Variants in RIPOR3 observed in about 807,000 individuals in gnomAD.
RIPOR3 encodes RIPOR family member 3.
In RIPOR3, 95 loss-of-function variants were observed where a neutral mutation model predicts 114.3. That is an observed-to-expected ratio of 0.83 (90% confidence interval 0.70 to 0.99). The LOEUF is 0.99. Ranked by LOEUF, RIPOR3 falls within the 50% of genes least tolerant of loss-of-function variation. The probability of loss-of-function intolerance (pLI) is 0.00; values close to 1 mark genes in which losing one functional copy is unlikely to be tolerated. For synonymous variants in RIPOR3, 575 were observed against 543.8 expected (o/e 1.06, Z -0.80); for missense variants, 1,252 against 1,266.9 (o/e 0.99, Z 0.18).
intron 1 of RIPOR3, among the ~76,000 whole-genome samples, chr20:50,647,977 T>A (rs1362345931): frequency 6.6e-6 from 1 of 152,024 alleles, no homozygotes; most frequent in African/African-American, 2.4e-5. Flanking sequence ...GCTGCTAAGG[T>A]TAAAATCCAG....
intron 3 of RIPOR3, among the ~76,000 whole-genome samples, chr20:50,619,249 G>A (rs141257632): frequency 0.047 from 7,113 of 151,740 alleles, 227 homozygotes; most frequent in Middle Eastern, 0.11. Context: ...TCCAGCCTGG[G>A]CAACAAGAGC....
At position 50,602,741 on chromosome 20, in the gene RIPOR3, CCCATGTT is replaced by C. The variant is rs926138566; in HGVS notation, c.1087-104_1087-98del. 4 of 934,458 alleles carry C rather than the reference CCCATGTT, an allele frequency of 4.3e-6. No individual in the cohort carries two copies. The highest frequency in any genetic ancestry group is 4.4e-6 in the Non-Finnish European group (3 of 686,164). The allele number at this position is 934,458 out of a possible 1,614,324, so 57.9% of individuals were successfully genotyped here. A position where few individuals can be genotyped will look rare whatever the true frequency, so the allele number is the denominator to read the frequency against. ...CCCTGACAGACACCCGCTGTGCATGCCCATGTTCTCAGGATGACTGAGGCCTGCCGAG... is the reference window on the plus strand; with the variant it reads ...CCCTGACAGACACCCGCTGTGCATGCCTCAGGATGACTGAGGCCTGCCGAG... On this transcript the variant is annotated intron_variant, in intron 12 of 21. Coordinates refer to ENST00000327979, the MANE Select transcript of RIPOR3 (RefSeq NM_001290268.2). This position sits in a 1 kb window ranked among gnomAD's most constrained non-coding sequence, Gnocchi z 4.3.
chr20:50,691,001 C>A (rs2087193610), intron 1 of RIPOR3, 125 bp downstream of exon 1: 1 of 1,216,586 alleles, frequency 8.2e-7, no homozygotes, highest in Non-Finnish European at 1.1e-6. Context: ...TTCCCTCCTC[C>A]GGCCTTGGGA....
intron 8 of RIPOR3, 67 bp downstream of exon 8, chr20:50,609,226 G>C: frequency 6.4e-7 from 1 of 1,562,920 alleles, no homozygotes; most frequent in Non-Finnish European, 8.7e-7. Context: ...GCCAATTCCC[G>C]TGCCCCTCAG....
chr20:50,608,307 A>C, intron 11 of RIPOR3, 82 bp downstream of exon 11: 1 of 1,584,000 alleles, frequency 6.3e-7, no homozygotes, highest in Non-Finnish European at 8.6e-7. Context: ...AGGCTGGTGC[A>C]GGAACCCAGG....
chr20:50,630,609 C>T (rs2084785124), intron 2 of RIPOR3, 129 bp downstream of exon 2: 5 of 679,914 alleles, frequency 7.4e-6, no homozygotes, highest in Admixed American at 5.5e-5. Flanking sequence ...CTGTCTCTCT[C>T]GGGCTGCAAG....
intron 1 of RIPOR3, among the ~76,000 whole-genome samples, chr20:50,649,907 C>T (rs1047965988): frequency 2.0e-5 from 3 of 152,212 alleles, no homozygotes; most frequent in Admixed American, 6.5e-5. Flanking sequence ...CAGCCCCAGC[C>T]GGGCTAACTA....
chr20:50,677,276 A>T (rs144660199), intron 1 of RIPOR3, among the ~76,000 whole-genome samples: 7 of 152,184 alleles, frequency 4.6e-5, no homozygotes, highest in African/African-American at 1.7e-4. Context: ...TGCCAGACAC[A>T]GGGTCCAAAC....
rs7261508 is a variant in RIPOR3 at position 50,651,845 on chromosome 20, G to C, written c.4-20989C>G. 1.1e-3 allele frequency among the ~76,000 whole-genome samples: 162 copies of C among 152,364 alleles called. 1 individual carries two copies. Among genetic ancestry groups the C allele is most frequent in the African/African-American group, 3.7e-3 (155 of 41,584 alleles). ...TGCACTGCCTACACACCAGAGAAGA[G>C]GGGGAGGAGCCCAGATCTGCTGCTC... On this transcript the variant is annotated intron_variant, in intron 1 of 21. Transcript: ENST00000327979.
intron 1 of RIPOR3, among the ~76,000 whole-genome samples, chr20:50,651,136 G>A (rs995689628): frequency 2.0e-4 from 31 of 152,038 alleles, no homozygotes; most frequent in African/African-American, 7.5e-4. Flanking sequence ...AGTATGAGAG[G>A]GATTCAGCGT....
intron 1 of RIPOR3, among the ~76,000 whole-genome samples, chr20:50,666,197 CTTTT>C (rs1600721680): frequency 3.2e-5 from 3 of 93,406 alleles, no homozygotes; most frequent in South Asian, 3.6e-4. Flanking sequence ...CTTTTCTTTT[CTTTT>C]CTTTTCTTTT....
rs2083554562 is a variant in RIPOR3, at chr20:50,602,803, A to G, written c.1087-159T>C. Among the ~76,000 whole-genome samples, 1 of 149,258 alleles carries G rather than the reference A, an allele frequency of 6.7e-6. No homozygotes were observed. On this transcript the variant is annotated intron_variant, in intron 12 of 21. Transcript: ENST00000327979. The surrounding 1 kb of genome is among the most constrained non-coding windows in gnomAD (Gnocchi z 4.3). ...CCAGCATCCCAGAGGTGCAGAAAAA[A>G]CCCTGTCCCCTCTCTGCACTTATCC...
intron 2 of RIPOR3, among the ~76,000 whole-genome samples, chr20:50,624,832 G>A (rs967010399): frequency 3.3e-5 from 5 of 152,334 alleles, no homozygotes; most frequent in East Asian, 1.9e-4. Flanking sequence ...CTTGGTACTC[G>A]GCTGTTGCAA....
In RIPOR3 at chr20:50,609,680, G is replaced by T. The variant is rs367594489; in HGVS notation, c.469C>A (p.Arg157Ser). The T allele has an allele frequency of 5.7e-6, 8 of 1,391,622 alleles. No homozygotes were observed. Among genetic ancestry groups the T allele is most frequent in the Non-Finnish European group, 7.5e-6 (8 of 1,073,012 alleles). The allele number at this position is 1,391,622 out of a possible 1,614,324, so 86.2% of individuals were successfully genotyped here. A position where few individuals can be genotyped will look rare whatever the true frequency, so the allele number is the denominator to read the frequency against. The change falls in exon 7 of 22, where the codon CGC becomes AGC. Residue 157 changes from arginine to serine, a missense_variant. Arg to Ser is a moderately radical substitution (Grantham distance 110, BLOSUM62 -1). Transcript: ENST00000327979. Reference protein sequence around the residue: ...YEDYCIQCRLRDGASSMQRAF... With the variant: ...YEDYCIQCRLSDGASSMQRAF... The stretch of plus-strand genomic sequence containing the variant: ...CGCTGCATGCTGGAGGCGCCGTCGC[G>T]CAGGCGGCACTGGATGCAGTAGTCC...
intron 1 of RIPOR3, among the ~76,000 whole-genome samples, chr20:50,652,944 T>C (rs1385603187): frequency 2.0e-5 from 3 of 152,218 alleles, no homozygotes; most frequent in Non-Finnish European, 2.9e-5. Flanking sequence ...GACCCAGCAG[T>C]TCCACTCCTA....
chr20:50,610,073 TCACCTGCCA>T (rs1286104712), intron 6 of RIPOR3, among the ~76,000 whole-genome samples: 12 of 75,520 alleles, frequency 1.6e-4, no homozygotes, highest in African/African-American at 5.6e-4. Flanking sequence ...CACCCCTGCC[TCACCTGCCA>T]CCCCTGCCTC....
intron 1 of RIPOR3, among the ~76,000 whole-genome samples, chr20:50,647,779 G>A (rs536323433): frequency 6.6e-6 from 1 of 151,836 alleles, no homozygotes; most frequent in South Asian, 2.1e-4. Flanking sequence ...ACCGCACCCG[G>A]CCACCTCATT....
intron 1 of RIPOR3, among the ~76,000 whole-genome samples, chr20:50,671,675 C>T (rs2086501835): frequency 6.6e-6 from 1 of 152,218 alleles, no homozygotes; most frequent in Non-Finnish European, 1.5e-5. Context: ...ACATCCCCAC[C>T]ATACAGGCTA....
intron 1 of RIPOR3, among the ~76,000 whole-genome samples, chr20:50,638,496 C>T (rs2085069121): frequency 1.3e-5 from 2 of 152,182 alleles, no homozygotes; most frequent in Admixed American, 1.3e-4. Flanking sequence ...ATTCAAATGG[C>T]CCCATCACTG....
Sources: gnomAD v4.1 joint callset for allele counts (sites outside exome capture counted in the v4.1 genomes callset) on GRCh38, gnomAD v4.1.1 for gene constraint, Gnocchi (gnomAD v3.1) non-coding constraint, MANE v1.5 for transcripts, NCBI Gene and HGNC (gene_info 2026-07-23, HGNC 2026-07-21) for gene names.